Variants in PRTFDC1 observed in about 807,000 individuals in gnomAD.
The protein encoded by PRTFDC1 is phosphoribosyltransferase domain-containing protein 1.
PRTFDC1 carries 38 observed loss-of-function variants against 34.6 expected under a neutral mutation model. The ratio of observed to expected loss-of-function variants is 1.10; its 90% CI spans 0.85 to 1.44. PRTFDC1 has a LOEUF of 1.44. Ranked by LOEUF, PRTFDC1 falls within the 40% of genes most tolerant of loss-of-function variation. The pLI is 0.00. For synonymous variants in PRTFDC1, 93 were observed against 98.1 expected (o/e 0.95, Z 0.31); for missense variants, 270 against 283.0 (o/e 0.95, Z 0.33).
In PRTFDC1 at chr10:24,932,704, TC is replaced by T. The variant is rs1413052174; in HGVS notation, c.339+4479del. On this transcript the variant is annotated intron_variant, in intron 3 of 8. Transcript: ENST00000320152. ...GACTAAATAGTGTTACAATGTCAAT[TC>T]CCCCCAAATTGATCTATAGATTCAA... Among the ~76,000 whole-genome samples, 18 of 152,090 alleles carry T rather than the reference TC, an allele frequency of 1.2e-4. 1 individual carries two copies. The highest frequency in any genetic ancestry group is 2.1e-4 in the South Asian group (1 of 4,820).
At chr10:24,885,294 T>C (rs997163826) in intron 3 of PRTFDC1, among the ~76,000 whole-genome samples, 5 of 152,224 alleles carry the variant, frequency 3.3e-5, no homozygotes, top group Non-Finnish European at 5.9e-5. Context: ...AGCACATTAC[T>C]TACATGAATC....
intron 3 of PRTFDC1, among the ~76,000 whole-genome samples, chr10:24,927,555 G>C (rs2132592815): frequency 6.6e-6 from 1 of 150,710 alleles, no homozygotes; most frequent in South Asian, 2.1e-4. Context: ...TTGCAAAAGA[G>C]TATTGAAGTG....
intron 3 of PRTFDC1, chr10:24,908,800 A>G (rs1848581033): frequency 7.1e-7 from 1 of 1,403,754 alleles, no homozygotes; most frequent in South Asian, 1.5e-5. Context: ...ACAGCCAGAT[A>G]GCCCTCACAT....
chr10:24,877,777 T>C (rs761223188), intron 3 of PRTFDC1, among the ~76,000 whole-genome samples: 1 of 152,094 alleles, frequency 6.6e-6, no homozygotes, highest in Non-Finnish European at 1.5e-5. Flanking sequence ...TGTGCCACCA[T>C]GACGGGCTAA....
chr10:24,940,146 A>G (rs924649294), intron 2 of PRTFDC1, among the ~76,000 whole-genome samples: 1 of 152,230 alleles, frequency 6.6e-6, no homozygotes, highest in African/African-American at 2.4e-5. Flanking sequence ...CAGGTCCAAC[A>G]GTCAGAGAAT....
intron 3 of PRTFDC1, among the ~76,000 whole-genome samples, chr10:24,872,687 G>GTA (rs35268293): frequency 0.025 from 3,561 of 143,764 alleles, 146 homozygotes; most frequent in African/African-American, 0.083. Context: ...GTGTGTGTGT[G>GTA]TATATATATA....
At chr10:24,885,701 G>A (rs144288012) in intron 3 of PRTFDC1, among the ~76,000 whole-genome samples, 1 of 152,184 alleles carries the variant, frequency 6.6e-6, no homozygotes, top group Non-Finnish European at 1.5e-5. Flanking sequence ...CACCGCACCT[G>A]GCCAGCAGCT....
intron 3 of PRTFDC1, among the ~76,000 whole-genome samples, chr10:24,920,117 G>T (rs116169246): frequency 0.021 from 3,182 of 152,080 alleles, 125 homozygotes; most frequent in African/African-American, 0.073. Flanking sequence ...GTAATCCCAT[G>T]GCTGGGTATA....
intron 4 of PRTFDC1, among the ~76,000 whole-genome samples, chr10:24,866,648 T>C (rs974854120): frequency 6.6e-6 from 1 of 152,128 alleles, no homozygotes; most frequent in Non-Finnish European, 1.5e-5. Flanking sequence ...ACACACCGAA[T>C]AAAATGCTTT....
At chr10:24,940,995 C>G (rs1240848603) in intron 2 of PRTFDC1, among the ~76,000 whole-genome samples, 1 of 151,858 alleles carries the variant, frequency 6.6e-6, no homozygotes, top group Non-Finnish European at 1.5e-5. Context: ...AGTTGTTCAC[C>G]TGCAATGGGT....
intron 3 of PRTFDC1, among the ~76,000 whole-genome samples, chr10:24,886,063 A>T (rs1848158941): frequency 6.6e-6 from 1 of 152,202 alleles, no homozygotes; most frequent in Non-Finnish European, 1.5e-5. Context: ...ACTCCAGTGG[A>T]TTGATATCAT....
intron 3 of PRTFDC1, among the ~76,000 whole-genome samples, chr10:24,917,031 T>G (rs192766052): frequency 1.3e-5 from 2 of 152,334 alleles, no homozygotes; most frequent in Admixed American, 1.3e-4. Context: ...CTCTGTCCCC[T>G]TCCCCTTTGC....
intron 5 of PRTFDC1, among the ~76,000 whole-genome samples, chr10:24,857,531 C>T (rs1847601212): frequency 6.6e-6 from 1 of 152,166 alleles, no homozygotes; most frequent in East Asian, 1.9e-4. Context: ...CTCATCTCTG[C>T]TGATGAGCTG....
At chr10:24,929,702 A>C (rs1216777941) in intron 3 of PRTFDC1, among the ~76,000 whole-genome samples, 1 of 152,224 alleles carries the variant, frequency 6.6e-6, no homozygotes, top group Non-Finnish European at 1.5e-5. Context: ...CATATAAATT[A>C]ATGAGCTTTT....
chr10:24,856,039 G>A (rs551076649), intron 6 of PRTFDC1, among the ~76,000 whole-genome samples: 6 of 140,458 alleles, frequency 4.3e-5, no homozygotes, highest in African/African-American at 5.3e-5. Context: ...GCTCGAACCC[G>A]GGAGGGTGAA....
chr10:24,856,989 C>G lies in PRTFDC1; in HGVS notation c.430G>C (p.Val144Leu), dbSNP rs1847589514. 1 of 1,612,770 alleles carries G rather than the reference C, an allele frequency of 6.2e-7. No homozygotes were observed. The highest frequency in any genetic ancestry group is 8.5e-7 in the Non-Finnish European group (1 of 1,178,904). Residue 144 changes from valine to leucine, a missense_variant, in exon 6 of 9, where the codon GTC becomes CTC. By Grantham distance (32) the Val-to-Leu change is conservative. Transcript: ENST00000320152. ...GKNVLIVEDV[V>L]GTGRTMKALL... Reference sequence around the variant, plus strand: ...GCTTTCATGGTCCTCCCAGTTCCGACAACATCCTTTGCAAAAAGGACAGAT... The same window carrying G: ...GCTTTCATGGTCCTCCCAGTTCCGAGAACATCCTTTGCAAAAAGGACAGAT...
intron 3 of PRTFDC1, among the ~76,000 whole-genome samples, chr10:24,894,329 CAAAA>C (rs199529794): frequency 2.0e-5 from 2 of 98,792 alleles, no homozygotes; most frequent in Admixed American, 1.1e-4. Context: ...GACTCAATCT[CAAAA>C]AAAAAAAAAA....
chr10:24,869,004 A>G (rs951991217), intron 4 of PRTFDC1, among the ~76,000 whole-genome samples: 5 of 152,196 alleles, frequency 3.3e-5, no homozygotes, highest in Non-Finnish European at 7.3e-5. Flanking sequence ...TGGGGTAGCC[A>G]TTGCCTTGAC....
rs66588467 is a variant in PRTFDC1, at chr10:24,872,806, ATTTT to A, written c.340-747_340-744del. ...TGTGTGTGTATATATATATATATAT[ATTTT>A]TTTTTTTTTTTTTTTTTGAGACAGG... On this transcript the variant is annotated intron_variant, in intron 3 of 8. Transcript: ENST00000320152. Among the ~76,000 whole-genome samples, 35 of 117,594 alleles carry A rather than the reference ATTTT, an allele frequency of 3.0e-4. 1 individual carries two copies. Among genetic ancestry groups the A allele is most frequent in the African/African-American group, 1.2e-3 (33 of 27,890 alleles). The allele number at this position is 117,594 out of a possible 152,430, so 77.1% of individuals were successfully genotyped here.
Sources: allele counts gnomAD v4.1 joint callset (sites outside exome capture counted in the v4.1 genomes callset), GRCh38; gene constraint gnomAD v4.1.1; transcripts MANE v1.5; gene names NCBI Gene and HGNC (gene_info 2026-07-23, HGNC 2026-07-21).